Variants in COP1 observed in about 807,000 individuals in gnomAD.
COP1 encodes the protein E3 ubiquitin-protein ligase COP1.
Under a neutral mutation model 101.3 loss-of-function variants are expected in COP1, and 24 were observed. The observed-to-expected ratio is 0.24, with a 90% CI of 0.17 to 0.33. The LOEUF (loss-of-function observed/expected upper bound fraction) is 0.33, where lower values mean the gene tolerates loss of function less well. Among genes scored for constraint, COP1 ranks in the 10% least tolerant of loss-of-function variants. The probability of loss-of-function intolerance (pLI) is 1.00; values close to 1 mark genes in which losing one functional copy is unlikely to be tolerated. For missense variants in COP1, 663 were observed against 906.2 expected, an observed-to-expected ratio of 0.73 and a Z score of 3.45; for synonymous variants, 347 against 341.9, an observed-to-expected ratio of 1.01 and a Z score of -0.17.
At chr1:176,056,423 G>C (rs1341013210) in intron 11 of COP1, among the ~76,000 whole-genome samples, 2 of 132,872 alleles carry the variant, frequency 1.5e-5, no homozygotes, top group Non-Finnish European at 3.4e-5. Context: ...TTGTCTTACA[G>C]TTAACACAGG....
intron 8 of COP1, among the ~76,000 whole-genome samples, chr1:176,122,197 A>C (rs1003985751): frequency 6.6e-6 from 1 of 151,992 alleles, no homozygotes; most frequent in African/African-American, 2.4e-5. Context: ...AAAATTCAAA[A>C]CTCTGAAAAT....
chr1:176,179,848 ACTAT>A (rs916712563), intron 2 of COP1, among the ~76,000 whole-genome samples: 3 of 150,760 alleles, frequency 2.0e-5, no homozygotes, highest in African/African-American at 4.9e-5. Context: ...GGCTTACTAC[ACTAT>A]CTCTCAGACA....
chr1:176,070,536 C>T (rs891168935), intron 11 of COP1, among the ~76,000 whole-genome samples: 5 of 152,084 alleles, frequency 3.3e-5, no homozygotes, highest in Non-Finnish European at 7.4e-5. Context: ...GTGGCACTTG[C>T]CTGTAATCCC....
chr1:176,101,467 G>T (rs967956386), intron 9 of COP1, among the ~76,000 whole-genome samples: 1 of 151,790 alleles, frequency 6.6e-6, no homozygotes, highest in East Asian at 1.9e-4. Context: ...ATAAGTAATC[G>T]TGTCTTTGTA....
At chr1:176,001,664 T>C (rs1354101582) in intron 15 of COP1, among the ~76,000 whole-genome samples, 2 of 152,168 alleles carry the variant, frequency 1.3e-5, no homozygotes, top group African/African-American at 2.4e-5. Context: ...ACTATCTTTT[T>C]ATATACCGAT....
At chr1:176,106,502 T>G (rs1684330881) in intron 9 of COP1, among the ~76,000 whole-genome samples, 1 of 152,240 alleles carries the variant, frequency 6.6e-6, no homozygotes, top group Non-Finnish European at 1.5e-5. Flanking sequence ...TTCCCTAAAC[T>G]GCTCTTAAGA....
At chr1:176,126,634 A>G (rs1005046694) in intron 8 of COP1, among the ~76,000 whole-genome samples, 2 of 152,022 alleles carry the variant, frequency 1.3e-5, no homozygotes, top group African/African-American at 4.8e-5. Flanking sequence ...CTGTATTTTT[A>G]GTACAGACGA....
chr1:176,080,225 T>C (rs761427767), intron 11 of COP1, among the ~76,000 whole-genome samples: 5 of 152,200 alleles, frequency 3.3e-5, no homozygotes, highest in Admixed American at 2.6e-4. Flanking sequence ...CTTTGAACTA[T>C]ATTAAAATGG....
At chr1:176,135,138 T>A (rs1278703595) in intron 7 of COP1, 52 bp from the exon 8 acceptor site, 2 of 1,246,956 alleles carry the variant, frequency 1.6e-6, no homozygotes, top group Admixed American at 1.8e-5. Context: ...AGAAGATATA[T>A]AAATCAAAAA....
At chr1:176,120,482 A>T (rs1400496587) in intron 8 of COP1, among the ~76,000 whole-genome samples, 2 of 152,122 alleles carry the variant, frequency 1.3e-5, no homozygotes, top group Non-Finnish European at 2.9e-5. Flanking sequence ...AAGGGAAAAA[A>T]ATTTCAGGGT....
At chr1:176,080,165 A>T (rs1672646090) in intron 11 of COP1, among the ~76,000 whole-genome samples, 1 of 152,230 alleles carries the variant, frequency 6.6e-6, no homozygotes, top group Admixed American at 6.5e-5. Flanking sequence ...TTATCTGTCA[A>T]TTTTAAAAAA....
intron 8 of COP1, among the ~76,000 whole-genome samples, chr1:176,119,055 T>C (rs992656673): frequency 6.6e-6 from 1 of 152,214 alleles, no homozygotes; most frequent in African/African-American, 2.4e-5. Flanking sequence ...AACTTAACCA[T>C]ATAAAGAATT....
intron 1 of COP1, among the ~76,000 whole-genome samples, chr1:176,186,226 T>C (rs1052506036): frequency 2.0e-5 from 3 of 152,040 alleles, no homozygotes; most frequent in Non-Finnish European, 4.4e-5. Context: ...GAAAGGGGTA[T>C]TTTAGTGTTT....
intron 1 of COP1, among the ~76,000 whole-genome samples, chr1:176,204,452 G>GA (rs972082020): frequency 7.9e-4 from 119 of 149,736 alleles, no homozygotes; most frequent in African/African-American, 2.7e-3. Flanking sequence ...CAAACGGGGG[G>GA]AAAAAAAAAG....
intron 12 of COP1, among the ~76,000 whole-genome samples, chr1:176,044,245 G>A (rs1269644205): frequency 2.0e-5 from 3 of 152,144 alleles, no homozygotes; most frequent in African/African-American, 7.2e-5. Context: ...CAGTGAATTG[G>A]GTTTCTGTAT....
At position 176,078,191 on chromosome 1, in the gene COP1, G is replaced by C. The variant is rs140814900; in HGVS notation, c.1277+2961C>G. Among the ~76,000 whole-genome samples the C allele has an allele frequency of 2.6e-3, 399 of 152,140 alleles. 3 individuals are homozygous for C. Among genetic ancestry groups the C allele is most frequent in the African/African-American group, 9.2e-3 (381 of 41,516 alleles). ...AAAAAGAGCTTGAATGGCCAAAGCA[G>C]TCCTAAGCAAAATGAACATACCTGG... is the stretch of plus-strand genomic sequence containing the variant. On this transcript the variant is annotated intron_variant, in intron 11 of 19. Coordinates refer to ENST00000367669, the MANE Select transcript of COP1 (RefSeq NM_022457.7).
rs150954121 is a variant in COP1 at position 176,113,647 on chromosome 1, A to T, written c.1026+2977T>A. Among the ~76,000 whole-genome samples, 74 of 152,220 alleles carry T rather than the reference A, an allele frequency of 4.9e-4. 1 individual carries two copies. The Middle Eastern group carries it at 0.014, about 28-fold the overall frequency. On this transcript the variant is annotated intron_variant, in intron 9 of 19. Coordinates refer to ENST00000367669, the MANE Select transcript of COP1 (RefSeq NM_022457.7). ...CCAGCCAAAGACCAATTAAAAAAAC[A>T]CCTGTAGTTAAATAAATTTTATTTA...
chr1:175,975,720 C>T (rs530223517), intron 18 of COP1, among the ~76,000 whole-genome samples: 1 of 152,064 alleles, frequency 6.6e-6, no homozygotes, highest in South Asian at 2.1e-4. Context: ...ACCCTTTTCT[C>T]TATATTCCTA....
intron 11 of COP1, among the ~76,000 whole-genome samples, chr1:176,058,116 C>T (rs1443271794): frequency 3.5e-5 from 4 of 112,872 alleles, no homozygotes; most frequent in East Asian, 3.9e-4. Context: ...CCAGCCACCC[C>T]GTCGGGAGGG....
Sources: allele counts gnomAD v4.1 joint callset (sites outside exome capture counted in the v4.1 genomes callset), GRCh38; gene constraint gnomAD v4.1.1; transcripts MANE v1.5; gene names NCBI Gene and HGNC (gene_info 2026-07-23, HGNC 2026-07-21).